The following ADAMTS15 variants were observed in gnomAD, a reference collection of about 807,000 sequenced individuals.
ADAMTS15 encodes the protein ADAM metallopeptidase with thrombospondin type 1 motif 15, also known as A disintegrin and metalloproteinase with thrombospondin motifs 15.
ADAMTS15 carries 35 observed loss-of-function variants against 79.1 expected under a neutral mutation model. The observed-to-expected ratio is 0.44, with a 90% confidence interval of 0.34 to 0.59. ADAMTS15 has a LOEUF of 0.59. Among genes scored for constraint, ADAMTS15 ranks in the 20% least tolerant of loss-of-function variants. The pLI, the probability that ADAMTS15 is intolerant of heterozygous loss-of-function variation, is 0.02. For synonymous variants in ADAMTS15, 616 were observed against 567.3 expected (o/e 1.09, Z -1.22); for missense variants, 1,324 against 1,318.7 (o/e 1.00, Z -0.06).
chr11:130,466,153 G>A (rs902962249), intron 4 of ADAMTS15, among the ~76,000 whole-genome samples: 5 of 152,198 alleles, frequency 3.3e-5, no homozygotes, highest in Non-Finnish European at 7.3e-5. Context: ...GATCACAGGC[G>A]TGAGCCACCG....
In ADAMTS15 at chr11:130,472,061, C is replaced by T. The variant is rs370860895; in HGVS notation, c.2078+678C>T. 2.0e-3 allele frequency among the ~76,000 whole-genome samples: 303 copies of T among 152,378 alleles called. 1 individual carries two copies. Among genetic ancestry groups the T allele is most frequent in the African/African-American group, 7.1e-3 (294 of 41,596 alleles). On this transcript the variant is annotated intron_variant, in intron 7 of 7. Coordinates refer to ENST00000299164, the MANE Select transcript of ADAMTS15 (RefSeq NM_139055.4). This position sits in a 1 kb window ranked among gnomAD's most constrained non-coding sequence, Gnocchi z 4.7. ...CAACTTCAGAATCTGGGCCTCCCAG[C>T]TTGAGCTTCCTGAGGTCAAACATAT...
At chr11:130,464,970 GAAAA>G (rs35175698) in intron 4 of ADAMTS15, among the ~76,000 whole-genome samples, 1 of 134,006 alleles carries the variant, frequency 7.5e-6, no homozygotes, top group African/African-American at 2.8e-5. Flanking sequence ...CCATCTCAAG[GAAAA>G]AAAAAAAAAA....
rs1260469632 is a variant in ADAMTS15, at chr11:130,473,306, A to T, written c.2338A>T (p.Thr780Ser). The T allele has an allele frequency of 6.2e-7, 1 of 1,613,104 alleles. No individual in the cohort carries two copies. Among genetic ancestry groups the T allele is most frequent in the Admixed American group, 1.7e-5 (1 of 60,028 alleles). The change falls in exon 8 of 8, where the codon ACC becomes TCC. Residue 780 changes from threonine (T) to serine (S), a missense_variant. Thr to Ser is a moderately conservative substitution (Grantham distance 58). Transcript: ENST00000299164. Reference sequence around the variant, plus strand: ...TTCCCGGCCCATCCTGGAGCCGCTGACCGTGGAGGTCCTCTCCGTGGGGAA... The same window carrying T: ...TTCCCGGCCCATCCTGGAGCCGCTGTCCGTGGAGGTCCTCTCCGTGGGGAA... ...QASRPILEPL[T>S]VEVLSVGKMT...
rs1328983568 is a variant in ADAMTS15 at position 130,449,398 on chromosome 11, C to G, written c.425C>G (p.Ala142Gly). 3 of 1,599,634 alleles carry G rather than the reference C, an allele frequency of 1.9e-6. No individual in the cohort carries two copies. The highest frequency in any genetic ancestry group is 1.7e-5 in the Admixed American group (1 of 59,884). ...TATGTCATTAGCCCGCTGCCCAATG[C>G]TAGCGCGCCGGCGGCGCAGCGCAAC... ...AEYVISPLPNASAPAAQRNSQ... is the reference protein window; with the variant it reads ...AEYVISPLPNGSAPAAQRNSQ... The change falls in exon 1 of 8, where the codon GCT becomes GGT. Residue 142 changes from alanine to glycine, a missense_variant. Ala to Gly is a moderately conservative substitution (Grantham distance 60). Coordinates refer to ENST00000299164, the MANE Select transcript of ADAMTS15 (RefSeq NM_139055.4). The surrounding 1 kb of genome is among the most constrained non-coding windows in gnomAD (Gnocchi z 7.8).
In ADAMTS15 at chr11:130,471,077, C is replaced by A; in HGVS notation, c.1878C>A (p.Gly626=). 1 of 1,613,866 alleles carries A rather than the reference C, an allele frequency of 6.2e-7. No homozygotes were observed. Among genetic ancestry groups the A allele is most frequent in the South Asian group, 1.1e-5 (1 of 91,022 alleles). The change falls in exon 6 of 8, where the codon GGC becomes GGA. Residue 626 remains glycine (G), a synonymous_variant. Transcript: ENST00000299164. ...CKLICRANGT[G]YFYVLAPKVV... is the part of the protein sequence containing the mutation. ...TCATCTGCCGAGCCAATGGCACTGG[C>A]TACTTCTATGTGCTGGCACCCAAGG...
Position 130,473,673 on chromosome 11 carries a change from G to T in ADAMTS15, c.2705G>T (p.Trp902Leu), listed in dbSNP as rs1471190356. 6.2e-7 allele frequency: 1 copy of T among 1,604,916 alleles called. No homozygotes were observed. Among genetic ancestry groups the T allele is most frequent in the African/African-American group, 1.3e-5 (1 of 75,068 alleles). ...TGCCCCACCTGGGAGCTCAGCGCCT[G>T]GTCACCCTGCTCCAAGAGCTGCGGC... ...EPCPTWELSA[W>L]SPCSKSCGRG... Residue 902 changes from tryptophan to leucine, a missense_variant, in exon 8 of 8, where the codon TGG becomes TTG. Trp to Leu is a moderately conservative substitution (Grantham distance 61, BLOSUM62 -2). Coordinates refer to ENST00000299164, the MANE Select transcript of ADAMTS15 (RefSeq NM_139055.4).
At chr11:130,452,110 A>G (rs1937973910) in intron 1 of ADAMTS15, among the ~76,000 whole-genome samples, 1 of 149,604 alleles carries the variant, frequency 6.7e-6, no homozygotes, top group Non-Finnish European at 1.5e-5. Context: ...GAGTCTCAGG[A>G]TCTTCTCACT....
chr11:130,469,210 C>T, intron 4 of ADAMTS15, 52 bp from the exon 5 acceptor site: 1 of 1,352,776 alleles, frequency 7.4e-7, no homozygotes, highest in Non-Finnish European at 9.6e-7. Context: ...GGCTGAGGGG[C>T]TGGGTGTGGC....
At position 130,470,172 on chromosome 11, in the gene ADAMTS15, A is replaced by ACG. The variant is rs1565397754; in HGVS notation, c.1720+733_1720+734insCG. ...TATATGTGTATATATATATATATAT[A>ACG]TATATATATGTGTGTATATATATAT... is the stretch of plus-strand genomic sequence containing the variant. On this transcript the variant is annotated intron_variant, in intron 5 of 7. Transcript: ENST00000299164. 6.8e-5 allele frequency among the ~76,000 whole-genome samples: 4 copies of ACG among 58,460 alleles called. 1 individual carries two copies. The highest frequency in any genetic ancestry group is 4.6e-4 in the South Asian group (1 of 2,174). The allele number at this position is 58,460 out of a possible 152,430, so 38.4% of individuals were successfully genotyped here.
chr11:130,457,143 G>GA (rs1477421652), intron 1 of ADAMTS15, among the ~76,000 whole-genome samples: 1 of 151,324 alleles, frequency 6.6e-6, no homozygotes, highest in Non-Finnish European at 1.5e-5. Context: ...TGAGGCACGA[G>GA]ATGCTTGAAC....
chr11:130,466,527 C>A (rs561077172), intron 4 of ADAMTS15, among the ~76,000 whole-genome samples: 1 of 152,168 alleles, frequency 6.6e-6, no homozygotes, highest in African/African-American at 2.4e-5. Context: ...TCTCCACGTC[C>A]CTGTGGATAC....
chr11:130,449,587 GC>G lies in ADAMTS15; in HGVS notation c.615del (p.Arg206GlyfsTer38). The G allele has an allele frequency of 6.2e-7, 1 of 1,600,518 alleles. No individual in the cohort carries two copies. Among genetic ancestry groups the G allele is most frequent in the Non-Finnish European group, 8.5e-7 (1 of 1,173,532 alleles). On this transcript the variant is annotated frameshift_variant, in exon 1 of 8. Coordinates refer to ENST00000299164, the MANE Select transcript of ADAMTS15 (RefSeq NM_139055.4). LOFTEE classifies it high-confidence loss of function. The surrounding 1 kb of genome is among the most constrained non-coding windows in gnomAD (Gnocchi z 7.8). ...RAGFGESRSR[R>X]RSGRAKRFVS... ...GGCTTCGGGGAGAGTCGTAGCCGGC[GC>G]AGGTCTGGGCGCGCCAAGCGTTTCG...
At chr11:130,470,140 A>ATG (rs1281470036) in intron 5 of ADAMTS15, among the ~76,000 whole-genome samples, 6 of 65,696 alleles carry the variant, frequency 9.1e-5, no homozygotes, top group Admixed American at 2.9e-4. Flanking sequence ...ATACATATAT[A>ATG]TATATATATA....
Position 130,469,300 on chromosome 11 carries a change from C to G in ADAMTS15, c.1581C>G (p.Pro527=). The change falls in exon 5 of 8, where the codon CCC becomes CCG. Residue 527 remains proline, a synonymous_variant. Coordinates refer to ENST00000299164, the MANE Select transcript of ADAMTS15 (RefSeq NM_139055.4). ...GSWAKWDPYG[P]CSRTCGGGVQ... ...GGGCCAAATGGGATCCCTATGGCCC[C>G]TGCTCGCGCACATGTGGTGGGGGCG... The G allele has an allele frequency of 7.1e-7, 1 of 1,402,514 alleles. No individual in the cohort carries two copies. Among genetic ancestry groups the G allele is most frequent in the Non-Finnish European group, 9.3e-7 (1 of 1,073,442 alleles). The allele number at this position is 1,402,514 out of a possible 1,614,324, so 86.9% of individuals were successfully genotyped here.
rs1937887273 is a variant in ADAMTS15, at chr11:130,448,860, G to T, written c.-114G>T. ...TTGGCTCTCCTTTCTGGGAACTGCC[G>T]GCTGTCCCGTAGCGTTGGCGGTTCC... On this transcript the variant is annotated 5_prime_UTR_variant, in exon 1 of 8. Transcript: ENST00000299164. 2 of 783,026 alleles carry T rather than the reference G, an allele frequency of 2.6e-6. No homozygotes were observed. The highest frequency in any genetic ancestry group is 4.6e-5 in the South Asian group (1 of 21,780). The allele number at this position is 783,026 out of a possible 1,614,324, so 48.5% of individuals were successfully genotyped here.
chr11:130,457,044 C>T (rs1240061880), intron 1 of ADAMTS15, among the ~76,000 whole-genome samples: 2 of 151,984 alleles, frequency 1.3e-5, no homozygotes, highest in Non-Finnish European at 2.9e-5. Context: ...AGCAGCCTGG[C>T]CAACACGGTG....
In ADAMTS15 at chr11:130,449,461, CG is replaced by C; in HGVS notation, c.491del (p.Gly164AlafsTer80). 1 of 1,573,622 alleles carries C rather than the reference CG, an allele frequency of 6.4e-7. No homozygotes were observed. Among genetic ancestry groups the C allele is most frequent in the Non-Finnish European group, 8.6e-7 (1 of 1,163,620 alleles). Reference protein sequence around the residue: ...GAHLLQRRGVPGGPSGDPTSR... With the variant: ...GAHLLQRRGVXGGPSGDPTSR... ...CACCTTCTCCAGCGCCGGGGTGTTC[CG>C]GGCGGGCCTTCCGGAGACCCCACCT... On this transcript the variant is annotated frameshift_variant, in exon 1 of 8. Transcript: ENST00000299164. LOFTEE classifies it high-confidence loss of function. This position sits in a 1 kb window ranked among gnomAD's most constrained non-coding sequence, Gnocchi z 7.8.
rs750893506 is a variant in ADAMTS15 at position 130,462,201 on chromosome 11, C to T, written c.1205C>T (p.Pro402Leu). 1 of 1,614,222 alleles carries T rather than the reference C, an allele frequency of 6.2e-7. No homozygotes were observed. Among genetic ancestry groups the T allele is most frequent in the Non-Finnish European group, 8.5e-7 (1 of 1,180,038 alleles). ...PTLIQIDRAN[P>L]WSACSAAIIT... The stretch of plus-strand genomic sequence containing the variant: ...CTCATCCAGATCGACCGTGCCAACC[C>T]CTGGTCAGCCTGCAGTGCTGCCATC... The change falls in exon 3 of 8, where the codon CCC becomes CTC. Residue 402 changes from proline to leucine, a missense_variant. By Grantham distance (98) the Pro-to-Leu change is moderately conservative. Transcript: ENST00000299164. The surrounding 1 kb of genome is among the most constrained non-coding windows in gnomAD (Gnocchi z 4.3).
In ADAMTS15 at chr11:130,469,446, T is replaced by G; in HGVS notation, c.1720+7T>G. 1 of 1,332,180 alleles carries G rather than the reference T, an allele frequency of 7.5e-7. No homozygotes were observed. The highest frequency in any genetic ancestry group is 9.7e-7 in the Non-Finnish European group (1 of 1,032,822). The allele number at this position is 1,332,180 out of a possible 1,614,324, so 82.5% of individuals were successfully genotyped here. A position where few individuals can be genotyped will look rare whatever the true frequency, so the allele number is the denominator to read the frequency against. On this transcript the variant is annotated splice_region_variant and intron_variant, in intron 5 of 7. Coordinates refer to ENST00000299164, the MANE Select transcript of ADAMTS15 (RefSeq NM_139055.4). ...GAGCCCTGCCCCAGCTCAGGTGAGG[T>G]GGGGAGAGCAGTGGTGGCCTGGGCC...
Sources: gnomAD v4.1 joint callset for allele counts (sites outside exome capture counted in the v4.1 genomes callset) on GRCh38, gnomAD v4.1.1 for gene constraint, Gnocchi (gnomAD v3.1) non-coding constraint, MANE v1.5 for transcripts, NCBI Gene and HGNC (gene_info 2026-07-23, HGNC 2026-07-21) for gene names.